Variants in SULT1B1 observed in about 807,000 individuals in gnomAD.
The protein encoded by SULT1B1 is sulfotransferase family 1B member 1.
A neutral mutation model predicts 34.6 loss-of-function variants in SULT1B1; 28 were observed. That is an observed-to-expected ratio of 0.81 (90% CI 0.60 to 1.11). The LOEUF (loss-of-function observed/expected upper bound fraction) is 1.11, where lower values mean the gene tolerates loss of function less well. SULT1B1 is among the 50% of genes least tolerant of loss of function. SULT1B1 has a pLI of 0.00. For synonymous variants in SULT1B1, 147 were observed against 110.2 expected (o/e 1.33, Z -2.09); for missense variants, 374 against 352.2 (o/e 1.06, Z -0.50).
chr4:69,748,989 G>A (rs1718863447), intron 4 of SULT1B1, among the ~76,000 whole-genome samples: 1 of 151,704 alleles, frequency 6.6e-6, no homozygotes, highest in African/African-American at 2.4e-5. Context: ...GTAAGTAGAT[G>A]GAGAGAAACG....
Position 69,755,111 on chromosome 4 carries a change from C to T in SULT1B1, c.107G>A (p.Ser36Asn). The T allele has an allele frequency of 6.2e-7, 1 of 1,613,952 alleles. No individual in the cohort carries two copies. Among genetic ancestry groups the T allele is most frequent in the South Asian group, 1.1e-5 (1 of 91,072 alleles). Residue 36 changes from serine to asparagine, a missense_variant, in exon 2 of 8, where the codon AGC becomes AAC. Coordinates refer to ENST00000310613, the MANE Select transcript of SULT1B1 (RefSeq NM_014465.4). ...SNWEKIEQFH[S>N]RPDDIVIATY... ...GGCTATCACAATGTCATCTGGTCTG[C>T]TATGGAACTGTTCAATTTTTTCCCA...
intron 3 of SULT1B1, among the ~76,000 whole-genome samples, chr4:69,752,593 T>C (rs1719021226): frequency 6.6e-6 from 1 of 152,246 alleles, no homozygotes; most frequent in African/African-American, 2.4e-5. Context: ...TTTATATTTG[T>C]AACTTTGAAA....
intron 3 of SULT1B1, among the ~76,000 whole-genome samples, chr4:69,751,370 T>A (rs1391653587): frequency 2.6e-5 from 4 of 152,246 alleles, no homozygotes; most frequent in Non-Finnish European, 5.9e-5. Flanking sequence ...AGTGAGTCTT[T>A]TAATGAACCC....
intron 4 of SULT1B1, among the ~76,000 whole-genome samples, chr4:69,748,426 G>A (rs1718839337): frequency 6.6e-6 from 1 of 152,174 alleles, no homozygotes; most frequent in Admixed American, 6.5e-5. Context: ...AGTCATAGTT[G>A]AGCATGTTTA....
chr4:69,751,731 C>T (rs575378738), intron 3 of SULT1B1, among the ~76,000 whole-genome samples: 8 of 152,300 alleles, frequency 5.3e-5, no homozygotes, highest in Non-Finnish European at 1.0e-4. Context: ...GGATTACAGG[C>T]GTGAGCCACC....
At position 69,722,407 on chromosome 4, in the gene SULT1B1, G is replaced by A. The variant is rs948716329; in HGVS notation, c.*4681C>T. On this transcript the variant is annotated 3_prime_UTR_variant, in exon 8 of 8. Transcript: ENST00000310613. ...GTATCAGAAATCCGTATATATTCAG[G>A]CCACATTAACTTATTATTTAATAAA... The A allele has an allele frequency of 1.3e-5, 2 of 151,940 alleles. No homozygotes were observed. The highest frequency in any genetic ancestry group is 2.4e-5 in the African/African-American group (1 of 41,384). The allele number at this position is 151,940 out of a possible 1,614,324, so 9.4% of individuals were successfully genotyped here. A position where few individuals can be genotyped will look rare whatever the true frequency, so the allele number is the denominator to read the frequency against.
chr4:69,723,884 G>A lies in SULT1B1; in HGVS notation c.*3204C>T, dbSNP rs1717727180. The A allele has an allele frequency of 6.6e-6, 1 of 152,054 alleles. No homozygotes were observed. Among genetic ancestry groups the A allele is most frequent in the East Asian group, 1.9e-4 (1 of 5,158 alleles). The allele number at this position is 152,054 out of a possible 1,614,324, so 9.4% of individuals were successfully genotyped here. On this transcript the variant is annotated 3_prime_UTR_variant, in exon 8 of 8. Coordinates refer to ENST00000310613, the MANE Select transcript of SULT1B1 (RefSeq NM_014465.4). ...TTGATGGAATGTATCTCAAAATAAG[G>A]AGAGCCCTCTATGACAAACCACCAG...
chr4:69,730,331 A>G (rs1718023109), intron 7 of SULT1B1, among the ~76,000 whole-genome samples, 170 bp downstream of exon 7: 1 of 152,166 alleles, frequency 6.6e-6, no homozygotes, highest in African/African-American at 2.4e-5. Flanking sequence ...ATAGCTTTAC[A>G]TGCATTGTTT....
At chr4:69,749,858 C>T (rs766533199) in intron 3 of SULT1B1, 40 bp from the exon 4 acceptor site, 2 of 1,469,594 alleles carry the variant, frequency 1.4e-6, no homozygotes, top group Admixed American at 1.7e-5. Flanking sequence ...ATTAGAGTCT[C>T]CAGAAAGGCT....
Position 69,734,240 on chromosome 4 carries a change from T to C in SULT1B1, c.400A>G (p.Lys134Glu), listed in dbSNP as rs747067151. The change falls in exon 5 of 8, where the codon AAG becomes GAG. Residue 134 changes from lysine (K) to glutamate (E), a missense_variant. Physicochemically the swap from Lys to Glu is moderately conservative, Grantham distance 56. Coordinates refer to ENST00000310613, the MANE Select transcript of SULT1B1 (RefSeq NM_014465.4). Reference protein sequence around the residue: ...CKMIYLARNAKDVSVSYYHFD... With the variant: ...CKMIYLARNAEDVSVSYYHFD... ...TGGTAATATGAGACTGAAACATCCT[T>C]GGCATTACGAGCCAGATAAATCATC... The C allele has an allele frequency of 1.2e-6, 2 of 1,611,960 alleles. No homozygotes were observed. The highest frequency in any genetic ancestry group is 2.2e-5 in the South Asian group (2 of 90,842).
intron 4 of SULT1B1, among the ~76,000 whole-genome samples, chr4:69,738,419 G>A (rs990212133): frequency 3.3e-5 from 5 of 152,140 alleles, no homozygotes; most frequent in Non-Finnish European, 7.3e-5. Flanking sequence ...AGAGAAGCAG[G>A]TACCTTCTTC....
intron 6 of SULT1B1, 76 bp from the exon 7 acceptor site, chr4:69,730,757 GT>G: frequency 2.9e-6 from 4 of 1,368,986 alleles, no homozygotes; most frequent in Non-Finnish European, 4.0e-6. Flanking sequence ...TTTATAATCC[GT>G]TTTTTTAAAT....
At chr4:69,731,134 G>A (rs1718066283) in intron 6 of SULT1B1, among the ~76,000 whole-genome samples, 1 of 152,162 alleles carries the variant, frequency 6.6e-6, no homozygotes, top group Non-Finnish European at 1.5e-5. Context: ...ACTGGCTTCA[G>A]ATCAGTACCA....
chr4:69,730,792 A>T, intron 6 of SULT1B1, 111 bp from the exon 7 acceptor site: 1 of 928,532 alleles, frequency 1.1e-6, no homozygotes, highest in African/African-American at 1.7e-5. Context: ...AGTATAGGAA[A>T]TCCATATTTG....
intron 4 of SULT1B1, among the ~76,000 whole-genome samples, chr4:69,735,783 C>T (rs1718281231): frequency 6.6e-6 from 1 of 152,132 alleles, no homozygotes; most frequent in South Asian, 2.1e-4. Context: ...GTCAACATTC[C>T]ATTACAAGTT....
At chr4:69,760,235 G>T in intron 1 of SULT1B1, 1 of 984,470 alleles carries the variant, frequency 1.0e-6, no homozygotes, top group Non-Finnish European at 1.2e-6. Context: ...TCCATTCCTT[G>T]CATGCTTCAG....
rs764058506 is a variant in SULT1B1, at chr4:69,730,703, G to A, written c.598-22C>T. ...GATTCTATTAGTGGGTAAAACCCAA[G>A]ACAATAAACAAGTAACTCACACAAT... On this transcript the variant is annotated intron_variant, in intron 6 of 7. Coordinates refer to ENST00000310613, the MANE Select transcript of SULT1B1 (RefSeq NM_014465.4). 1.9e-6 allele frequency: 3 copies of A among 1,596,142 alleles called. No individual in the cohort carries two copies. The Admixed American group carries it at 5.2e-5, about 27-fold the overall frequency.
intron 4 of SULT1B1, among the ~76,000 whole-genome samples, chr4:69,748,418 T>C (rs1383513313): frequency 6.6e-6 from 1 of 152,226 alleles, no homozygotes; most frequent in African/African-American, 2.4e-5. Context: ...ACATCATTAG[T>C]CATAGTTGAG....
intron 4 of SULT1B1, 51 bp from the exon 5 acceptor site, chr4:69,734,315 G>T: frequency 1.3e-6 from 2 of 1,572,962 alleles, no homozygotes; most frequent in South Asian, 1.2e-5. Context: ...AAGACATTTT[G>T]TTTAGGAAAA....
Sources: gnomAD v4.1 joint callset for allele counts (sites outside exome capture counted in the v4.1 genomes callset) on GRCh38, gnomAD v4.1.1 for gene constraint, MANE v1.5 for transcripts, NCBI Gene and HGNC (gene_info 2026-07-23, HGNC 2026-07-21) for gene names.